Variants in PAPOLG observed in about 807,000 individuals in gnomAD.
PAPOLG encodes the protein poly(A) polymerase gamma.
Under a neutral mutation model 99.0 loss-of-function variants are expected in PAPOLG, and 40 were observed. The observed-to-expected ratio is 0.40, with a 90% CI of 0.31 to 0.53. PAPOLG has a LOEUF of 0.53. PAPOLG is among the 20% of genes least tolerant of loss of function. The pLI is 0.41. For synonymous variants in PAPOLG, 310 were observed against 299.3 expected, an observed-to-expected ratio of 1.04 and a Z score of -0.37; for missense variants, 675 against 884.1, an observed-to-expected ratio of 0.76 and a Z score of 3.00.
At chr2:60,787,374 TAAG>T in intron 14 of PAPOLG, 134 bp from the exon 15 acceptor site, 1 of 1,154,056 alleles carries the variant, frequency 8.7e-7, no homozygotes, top group East Asian at 2.6e-5. Context: ...ATGTCACTTT[TAAG>T]AATCTGGCCA....
At position 60,779,755 on chromosome 2, in the gene PAPOLG, C is replaced by G; in HGVS notation, c.813C>G (p.Phe271Leu). ...CAGCATCTACTTTAGTTCATAAGTTCTTTTTAGTTTTTTCCAAGTGGTAAG... is the reference window on the plus strand; with the variant it reads ...CAGCATCTACTTTAGTTCATAAGTTGTTTTTAGTTTTTTCCAAGTGGTAAG... Reference protein sequence around the residue: ...NAAASTLVHKFFLVFSKWEWP... With the variant: ...NAAASTLVHKLFLVFSKWEWP... The change falls in exon 9 of 22, where the codon TTC becomes TTG. Residue 271 changes from phenylalanine (F) to leucine (L), a missense_variant. Transcript: ENST00000238714. 6.2e-7 allele frequency: 1 copy of G among 1,613,576 alleles called. No homozygotes were observed. Among genetic ancestry groups the G allele is most frequent in the Non-Finnish European group, 8.5e-7 (1 of 1,179,682 alleles).
intron 14 of PAPOLG, 86 bp downstream of exon 14, chr2:60,787,152 T>A (rs1378185555): frequency 8.2e-7 from 1 of 1,213,256 alleles, no homozygotes; most frequent in Non-Finnish European, 1.1e-6. Flanking sequence ...GAGATTTTTG[T>A]TTAACAGGCA....
intron 8 of PAPOLG, among the ~76,000 whole-genome samples, chr2:60,778,022 G>A (rs1452220475): frequency 6.6e-6 from 1 of 152,174 alleles, no homozygotes; most frequent in African/African-American, 2.4e-5. Context: ...TTATGCTCTT[G>A]GAAAAATGGT....
chr2:60,784,451 C>T (rs1433325809), intron 13 of PAPOLG, among the ~76,000 whole-genome samples: 1 of 152,134 alleles, frequency 6.6e-6, no homozygotes, highest in Admixed American at 6.6e-5. Flanking sequence ...CTAAATTTAT[C>T]CCTTCTGCCT....
rs536362782 is a variant in PAPOLG at position 60,765,641 on chromosome 2, A to G, written c.247-2829A>G. Among the ~76,000 whole-genome samples, 9 of 152,326 alleles carry G rather than the reference A, an allele frequency of 5.9e-5. No homozygotes were observed. In the South Asian group the frequency reaches 1.9e-3, roughly 32 times the overall value. On this transcript the variant is annotated intron_variant, in intron 3 of 21. Transcript: ENST00000238714. ...CACAATTGGGATATTTAAACTTTAA[A>G]TAGTGTAGAATCCCACATCAAATCA...
chr2:60,791,830 A>G lies in PAPOLG; in HGVS notation c.1466A>G (p.Lys489Arg), dbSNP rs375810757. Residue 489 changes from lysine (K) to arginine (R), a missense_variant, in exon 16 of 22, where the codon AAA becomes AGA. Physicochemically the swap from Lys to Arg is conservative, Grantham distance 26. Transcript: ENST00000238714. ...GMKIEATHVKKKQLHHYLPAE... is the reference protein window; with the variant it reads ...GMKIEATHVKRKQLHHYLPAE... ...AAAATTGAAGCAACTCATGTAAAGAAAAAACAACTTCACCACTACCTTCCT... is the reference window on the plus strand; with the variant it reads ...AAAATTGAAGCAACTCATGTAAAGAGAAAACAACTTCACCACTACCTTCCT... 6 of 1,613,710 alleles carry G rather than the reference A, an allele frequency of 3.7e-6. No individual in the cohort carries two copies. Among genetic ancestry groups the G allele is most frequent in the Non-Finnish European group, 4.2e-6 (5 of 1,179,952 alleles).
Position 60,787,508 on chromosome 2 carries a change from T to C in PAPOLG, c.1287-3T>C. 1 of 1,605,860 alleles carries C rather than the reference T, an allele frequency of 6.2e-7. No individual in the cohort carries two copies. Among genetic ancestry groups the C allele is most frequent in the Non-Finnish European group, 8.5e-7 (1 of 1,177,804 alleles). Reference sequence around the variant, plus strand: ...ATGGAAATTCTTAAATTTTACTTTATAGCAACAATTACGTATCAATGTGGT... The same window carrying C: ...ATGGAAATTCTTAAATTTTACTTTACAGCAACAATTACGTATCAATGTGGT... On this transcript the variant is annotated splice_polypyrimidine_tract_variant and splice_region_variant and intron_variant, in intron 14 of 21. Coordinates refer to ENST00000238714, the MANE Select transcript of PAPOLG (RefSeq NM_022894.4).
intron 3 of PAPOLG, among the ~76,000 whole-genome samples, chr2:60,767,108 G>C (rs991628837): frequency 6.6e-6 from 1 of 152,172 alleles, no homozygotes; most frequent in Non-Finnish European, 1.5e-5. Context: ...CCACAAATTT[G>C]AGGGATATAA....
chr2:60,782,474 T>C (rs994338199), intron 11 of PAPOLG, among the ~76,000 whole-genome samples: 2 of 151,748 alleles, frequency 1.3e-5, no homozygotes, highest in African/African-American at 4.8e-5. Flanking sequence ...GGAGAATCGC[T>C]TGAACCCAGG....
rs1671767933 is a variant in PAPOLG at position 60,798,183 on chromosome 2, C to T, written c.*1023C>T. The T allele has an allele frequency of 6.5e-6, 1 of 152,746 alleles. No homozygotes were observed. The highest frequency in any genetic ancestry group is 6.5e-5 in the Admixed American group (1 of 15,272). 9.5% of individuals were successfully genotyped at this position (152,746 alleles called of 1,614,324 possible). ...AATAAGCAGTGGATTTTATTGAAAC[C>T]TAAAGGCATTTTGAATGACATTGTT... On this transcript the variant is annotated 3_prime_UTR_variant, in exon 22 of 22. Coordinates refer to ENST00000238714, the MANE Select transcript of PAPOLG (RefSeq NM_022894.4).
chr2:60,785,332 T>C (rs1285678574), intron 13 of PAPOLG, among the ~76,000 whole-genome samples: 2 of 152,000 alleles, frequency 1.3e-5, no homozygotes, highest in East Asian at 3.9e-4. Flanking sequence ...AGAGACGGGG[T>C]TTCACCATGT....
intron 7 of PAPOLG, among the ~76,000 whole-genome samples, chr2:60,774,391 A>G (rs1245638513): frequency 6.8e-6 from 1 of 147,762 alleles, no homozygotes; most frequent in East Asian, 2.0e-4. Context: ...TTTGAGACAG[A>G]GTCTCACTCT....
intron 13 of PAPOLG, among the ~76,000 whole-genome samples, chr2:60,783,721 C>G (rs1192867853): frequency 2.0e-5 from 3 of 149,064 alleles, no homozygotes; most frequent in Non-Finnish European, 3.0e-5. Context: ...ACCATGTTGG[C>G]CAGGCTGGTC....
intron 6 of PAPOLG, 31 bp downstream of exon 6, chr2:60,770,542 A>G (rs190870826): frequency 6.5e-5 from 91 of 1,404,660 alleles, no homozygotes; most frequent in Admixed American, 1.2e-4. Context: ...TGACTTTACA[A>G]TTGAACTGTT....
At chr2:60,761,319 G>A (rs1670515483) in intron 2 of PAPOLG, among the ~76,000 whole-genome samples, 1 of 152,084 alleles carries the variant, frequency 6.6e-6, no homozygotes, top group Non-Finnish European at 1.5e-5. Context: ...ACAGAAATTA[G>A]CCAGTAATTA....
chr2:60,761,819 A>C lies in PAPOLG; in HGVS notation c.246+12A>C. ...TCAGCGAGAGTAAGGTAAGACTCTA[A>C]ACTATGTGGAATTCTTGTTTTTATT... On this transcript the variant is annotated intron_variant, in intron 3 of 21. Coordinates refer to ENST00000238714, the MANE Select transcript of PAPOLG (RefSeq NM_022894.4). 6.6e-7 allele frequency: 1 copy of C among 1,521,202 alleles called. No homozygotes were observed. The highest frequency in any genetic ancestry group is 9.1e-7 in the Non-Finnish European group (1 of 1,103,032). 94.2% of individuals were successfully genotyped at this position (1,521,202 alleles called of 1,614,324 possible). A position where few individuals can be genotyped will look rare whatever the true frequency, so the allele number is the denominator to read the frequency against.
At chr2:60,793,483 G>T in intron 17 of PAPOLG, 144 bp from the exon 18 acceptor site, 1 of 873,012 alleles carries the variant, frequency 1.1e-6, no homozygotes, top group Non-Finnish European at 1.7e-6. Context: ...AAAGTTACTT[G>T]AGTCCAGGAG....
At chr2:60,768,934 A>G in intron 5 of PAPOLG, 44 bp downstream of exon 5, 2 of 1,386,548 alleles carry the variant, frequency 1.4e-6, no homozygotes, top group Non-Finnish European at 2.0e-6. Flanking sequence ...TAGATTAGTA[A>G]CAAATATCTA....
At chr2:60,791,701 T>C in intron 15 of PAPOLG, 60 bp from the exon 16 acceptor site, 2 of 1,539,538 alleles carry the variant, frequency 1.3e-6, no homozygotes, top group East Asian at 2.3e-5. Flanking sequence ...TTCAGAAAAA[T>C]TAGGCAGAAC....
Sources: gnomAD v4.1 joint callset for allele counts (sites outside exome capture counted in the v4.1 genomes callset) on GRCh38, gnomAD v4.1.1 for gene constraint, MANE v1.5 for transcripts, NCBI Gene and HGNC (gene_info 2026-07-23, HGNC 2026-07-21) for gene names.